TF: variants seen among roughly 807,000 people sequenced by gnomAD.
The protein encoded by TF is serotransferrin.
In TF, 55 loss-of-function variants were observed where a neutral mutation model predicts 82.4. The ratio of observed to expected loss-of-function variants is 0.67; its 90% CI spans 0.54 to 0.84. The LOEUF (loss-of-function observed/expected upper bound fraction) is 0.84. Among genes scored for constraint, TF ranks in the 40% least tolerant of loss-of-function variants. The pLI, the probability that TF is intolerant of heterozygous loss-of-function variation, is 0.00. For synonymous variants in TF, 332 were observed against 332.6 expected, an observed-to-expected ratio of 1.00 and a Z score of 0.02; for missense variants, 737 against 868.4, an observed-to-expected ratio of 0.85 and a Z score of 1.90.
At chr3:133,769,293 A>G (rs1934202493) in intron 13 of TF, among the ~76,000 whole-genome samples, 1 of 152,186 alleles carries the variant, frequency 6.6e-6, no homozygotes, top group Non-Finnish European at 1.5e-5. Context: ...CCAAGTTTCT[A>G]ATTTCACAAA....
intron 10 of TF, among the ~76,000 whole-genome samples, chr3:133,764,533 A>G (rs1341218394): frequency 6.6e-6 from 1 of 152,202 alleles, no homozygotes; most frequent in Non-Finnish European, 1.5e-5. Flanking sequence ...CCCCATTGCA[A>G]AGGACAGCTG....
At chr3:133,736,631 C>CAAA in the TF span, among the ~76,000 whole-genome samples, 14 of 32,560 alleles carry the variant, frequency 4.3e-4, no homozygotes, top group Non-Finnish European at 6.5e-4. Flanking sequence ...AATGGAAAGC[C>CAAA]AAAAAAAAAA....
At chr3:133,669,086 C>T in the TF span, among the ~76,000 whole-genome samples, 4 of 152,044 alleles carry the variant, frequency 2.6e-5, no homozygotes, top group Admixed American at 1.3e-4. Context: ...CTGCAACCTC[C>T]GCCTCCCGGG....
chr3:133,676,780 G>C, the TF span, among the ~76,000 whole-genome samples: 1 of 152,194 alleles, frequency 6.6e-6, no homozygotes, highest in Admixed American at 6.5e-5. Context: ...TTCTTGAGTA[G>C]GGCTTCTGCT....
At chr3:133,671,769 G>T in the TF span, among the ~76,000 whole-genome samples, 1 of 150,638 alleles carries the variant, frequency 6.6e-6, no homozygotes, top group East Asian at 1.9e-4. Flanking sequence ...CTCCAGCCTG[G>T]GCGATAGAGT....
the TF span, among the ~76,000 whole-genome samples, chr3:133,693,628 A>T: frequency 2.0e-5 from 3 of 152,138 alleles, no homozygotes; most frequent in African/African-American, 7.2e-5. Flanking sequence ...CTGGACACCC[A>T]TCTGGGCAGC....
chr3:133,727,831 A>G, the TF span, among the ~76,000 whole-genome samples: 1 of 97,424 alleles, frequency 1.0e-5, no homozygotes, highest in Non-Finnish European at 2.2e-5. Flanking sequence ...TCCTTCAGGA[A>G]CTCTTTTAGG....
the TF span, among the ~76,000 whole-genome samples, chr3:133,730,044 A>G: frequency 1.3e-5 from 2 of 151,908 alleles, no homozygotes; most frequent in African/African-American, 4.8e-5. Context: ...CATGTTTCTT[A>G]TGTCCCTACA....
chr3:133,681,433 G>A, the TF span, among the ~76,000 whole-genome samples: 1 of 152,316 alleles, frequency 6.6e-6, no homozygotes, highest in South Asian at 2.1e-4. Context: ...CAAGGGGTTG[G>A]GGAATTCCTT....
the TF span, among the ~76,000 whole-genome samples, chr3:133,685,919 G>A: frequency 5.3e-5 from 8 of 152,302 alleles, no homozygotes; most frequent in South Asian, 8.3e-4. Flanking sequence ...AACAAAGCTG[G>A]AGGCATCACG....
At chr3:133,693,848 G>A in the TF span, among the ~76,000 whole-genome samples, 1 of 152,208 alleles carries the variant, frequency 6.6e-6, no homozygotes, top group Non-Finnish European at 1.5e-5. Context: ...GCCCCTTCCA[G>A]CCTCCGTGTG....
intron 9 of TF, 68 bp downstream of exon 9, chr3:133,759,397 C>CTAGG: frequency 6.3e-7 from 1 of 1,591,290 alleles, no homozygotes; most frequent in Non-Finnish European, 8.6e-7. Flanking sequence ...CAAGACTGAG[C>CTAGG]TAGGGAGTGT....
At chr3:133,746,512 G>C (rs749522165) in intron 1 of TF, 29 bp downstream of exon 1, 2 of 1,584,806 alleles carry the variant, frequency 1.3e-6, no homozygotes, top group Non-Finnish European at 1.7e-6. Flanking sequence ...TAGCACCGCA[G>C]AGTCGCTGGC....
the TF span, among the ~76,000 whole-genome samples, chr3:133,683,966 A>G: frequency 6.6e-6 from 1 of 152,222 alleles, no homozygotes. Flanking sequence ...AGCTCTACTC[A>G]GCAAATGTAA....
chr3:133,778,569 TC>T lies in TF; in HGVS notation c.2063-16del, dbSNP rs747801852. 6.2e-7 allele frequency: 1 copy of T among 1,612,704 alleles called. No homozygotes were observed. The highest frequency in any genetic ancestry group is 8.5e-7 in the Non-Finnish European group (1 of 1,179,070). On this transcript the variant is annotated splice_polypyrimidine_tract_variant and intron_variant, in intron 16 of 16. Transcript: ENST00000402696. Reference sequence around the variant, plus strand: ...AGGAAGATTTTGAAAATCCTACCTCTCTGCTCTGCTCCACAGCACTCCTGGA... The same window carrying T: ...AGGAAGATTTTGAAAATCCTACCTCTTGCTCTGCTCCACAGCACTCCTGGA...
the TF span, among the ~76,000 whole-genome samples, chr3:133,716,808 G>A: frequency 6.6e-6 from 1 of 152,328 alleles, no homozygotes; most frequent in Admixed American, 6.5e-5. Flanking sequence ...AGAGGCCTTT[G>A]CAACCTCATC....
chr3:133,763,195 T>C (rs1934038943), intron 9 of TF, among the ~76,000 whole-genome samples: 1 of 152,168 alleles, frequency 6.6e-6, no homozygotes, highest in South Asian at 2.1e-4. Flanking sequence ...TAGAGGGAGT[T>C]ATGGAAAATA....
At chr3:133,679,656 T>C in the TF span, among the ~76,000 whole-genome samples, 1 of 151,874 alleles carries the variant, frequency 6.6e-6, no homozygotes, top group Non-Finnish European at 1.5e-5. Flanking sequence ...CATTGCTTTT[T>C]ATTATTGGGT....
intron 9 of TF, among the ~76,000 whole-genome samples, chr3:133,763,351 C>G (rs1367687806): frequency 6.6e-6 from 1 of 152,030 alleles, no homozygotes; most frequent in African/African-American, 2.4e-5. Context: ...TACTATCTTG[C>G]ATGAATTAAG....
Sources: gnomAD v4.1 joint callset for allele counts (sites outside exome capture counted in the v4.1 genomes callset) on GRCh38, gnomAD v4.1.1 for gene constraint, MANE v1.5 for transcripts, NCBI Gene and HGNC (gene_info 2026-07-23, HGNC 2026-07-21) for gene names.